ZHX2: variants seen among roughly 807,000 people sequenced by gnomAD.
ZHX2 encodes the protein zinc fingers and homeoboxes 2.
A neutral mutation model predicts 21.9 loss-of-function variants in ZHX2; 6 were observed. The ratio of observed to expected loss-of-function variants is 0.27; its 90% confidence interval spans 0.15 to 0.54. ZHX2 has a LOEUF of 0.54. Ranked by LOEUF, ZHX2 falls within the 20% of genes least tolerant of loss-of-function variation. ZHX2 has a pLI of 0.95. For missense variants in ZHX2, 908 were observed against 1,090.7 expected, an observed-to-expected ratio of 0.83 and a Z score of 2.36; for synonymous variants, 434 against 437.1, an observed-to-expected ratio of 0.99 and a Z score of 0.09.
At chr8:122,916,079 A>G (rs1256115464) in intron 2 of ZHX2, among the ~76,000 whole-genome samples, 4 of 152,218 alleles carry the variant, frequency 2.6e-5, no homozygotes, top group South Asian at 2.1e-4. Flanking sequence ...GTGGGTTTCA[A>G]CGGCCTGCCT....
At chr8:122,883,022 G>C (rs554605972) in intron 2 of ZHX2, among the ~76,000 whole-genome samples, 21 of 152,068 alleles carry the variant, frequency 1.4e-4, no homozygotes, top group Non-Finnish European at 2.5e-4. Context: ...ATCACTCCCA[G>C]AGATTGTAAC....
At chr8:122,799,955 C>T (rs569813582) in intron 1 of ZHX2, among the ~76,000 whole-genome samples, 1 of 152,176 alleles carries the variant, frequency 6.6e-6, no homozygotes, top group Non-Finnish European at 1.5e-5. Flanking sequence ...CCTCCACCTC[C>T]CAAACGATTC....
intron 1 of ZHX2, among the ~76,000 whole-genome samples, chr8:122,805,807 T>C (rs1315941487): frequency 3.3e-5 from 5 of 152,176 alleles, no homozygotes; most frequent in African/African-American, 9.7e-5. Context: ...AACTCTGTCA[T>C]TACTCCTCCC....
At chr8:122,790,712 A>G (rs1299248762) in intron 1 of ZHX2, among the ~76,000 whole-genome samples, 1 of 152,066 alleles carries the variant, frequency 6.6e-6, no homozygotes, top group Non-Finnish European at 1.5e-5. Context: ...GGTTCAAGCA[A>G]TTCTCCTGCC....
intron 3 of ZHX2, among the ~76,000 whole-genome samples, chr8:122,956,718 AG>A (rs1175204758): frequency 6.6e-6 from 1 of 152,222 alleles, no homozygotes; most frequent in Non-Finnish European, 1.5e-5. Flanking sequence ...ATAACAGACA[AG>A]CTATTCTGAA....
chr8:122,952,140 C>T lies in ZHX2; in HGVS notation c.630C>T (p.Asn210=), dbSNP rs111854627. 3.1e-6 allele frequency: 5 copies of T among 1,613,702 alleles called. No individual in the cohort carries two copies. The highest frequency in any genetic ancestry group is 1.1e-5 in the South Asian group (1 of 91,020). The change falls in exon 3 of 4, where the codon AAC becomes AAT. Residue 210 remains asparagine, a synonymous_variant. Transcript: ENST00000314393. The surrounding 1 kb of genome is among the most constrained non-coding windows in gnomAD (Gnocchi z 6.9). ...AGCCCGAGGAGATCACCCCCGAGAA[C>T]CACGTGGAAGGGACCGCCCGCCTGG... is the stretch of plus-strand genomic sequence containing the variant. ...PKKPEEITPE[N]HVEGTARLVT...
chr8:122,966,170 A>T (rs1813580734), intron 3 of ZHX2, among the ~76,000 whole-genome samples: 4 of 152,232 alleles, frequency 2.6e-5, no homozygotes, highest in Middle Eastern at 3.4e-3. Context: ...TTGAGATGTG[A>T]GGTACTGTTC....
chr8:122,914,818 G>A (rs1432333105), intron 2 of ZHX2, among the ~76,000 whole-genome samples: 1 of 152,126 alleles, frequency 6.6e-6, no homozygotes, highest in African/African-American at 2.4e-5. Context: ...CTGTAATTGA[G>A]TCGTTCCTAG....
chr8:122,954,845 C>CT (rs574301760), intron 3 of ZHX2, among the ~76,000 whole-genome samples: 1,606 of 145,986 alleles, frequency 0.011, 25 homozygotes, highest in African/African-American at 0.038. Context: ...GAGGTTGTTT[C>CT]TTTTTTTTTT....
chr8:122,867,408 C>T (rs1819325861), intron 2 of ZHX2, among the ~76,000 whole-genome samples: 1 of 152,192 alleles, frequency 6.6e-6, no homozygotes, highest in Non-Finnish European at 1.5e-5. Flanking sequence ...GCAGGTCTGA[C>T]CACATGGCTG....
At chr8:122,920,522 C>T (rs1354597925) in intron 2 of ZHX2, among the ~76,000 whole-genome samples, 3 of 152,130 alleles carry the variant, frequency 2.0e-5, no homozygotes, top group South Asian at 2.1e-4. Flanking sequence ...AAAAACTCAA[C>T]GCCCACCTTC....
At chr8:122,851,594 T>A (rs1412033209) in intron 1 of ZHX2, among the ~76,000 whole-genome samples, 1 of 152,216 alleles carries the variant, frequency 6.6e-6, no homozygotes, top group Non-Finnish European at 1.5e-5. Context: ...TTGTTTTGAT[T>A]CCTCCAGGAT....
intron 1 of ZHX2, among the ~76,000 whole-genome samples, chr8:122,799,871 C>CT (rs377302730): frequency 9.6e-4 from 146 of 151,628 alleles, no homozygotes; most frequent in African/African-American, 2.7e-3. Flanking sequence ...TTTTGCTTTT[C>CT]TTTTTTTTTG....
chr8:122,787,584 T>A (rs745762096), intron 1 of ZHX2, among the ~76,000 whole-genome samples: 10 of 152,242 alleles, frequency 6.6e-5, no homozygotes, highest in Non-Finnish European at 1.3e-4. Context: ...GGGGACCATT[T>A]CCTGTCAAGT....
intron 1 of ZHX2, among the ~76,000 whole-genome samples, chr8:122,832,772 C>T (rs1345174924): frequency 6.6e-6 from 1 of 151,980 alleles, no homozygotes; most frequent in Non-Finnish European, 1.5e-5. Context: ...TGTGAGCCCT[C>T]GGGTTTGCAG....
At chr8:122,820,009 CAG>C (rs1008005183) in intron 1 of ZHX2, among the ~76,000 whole-genome samples, 2 of 152,120 alleles carry the variant, frequency 1.3e-5, no homozygotes, top group African/African-American at 2.4e-5. Context: ...TCAGAGCTCT[CAG>C]GGGTTGGCGA....
chr8:122,820,060 T>C (rs747155792), intron 1 of ZHX2, among the ~76,000 whole-genome samples: 16 of 152,006 alleles, frequency 1.1e-4, no homozygotes, highest in South Asian at 2.1e-4. Flanking sequence ...ATGGAAACAA[T>C]TGAAAACCAC....
intron 1 of ZHX2, among the ~76,000 whole-genome samples, chr8:122,794,738 C>T (rs1419323457): frequency 1.3e-5 from 2 of 152,148 alleles, no homozygotes; most frequent in South Asian, 2.1e-4. Context: ...CTTCCACATA[C>T]CCCACACTTC....
At chr8:122,940,838 A>G (rs1053966124) in intron 2 of ZHX2, among the ~76,000 whole-genome samples, 14 of 152,138 alleles carry the variant, frequency 9.2e-5, no homozygotes, top group Middle Eastern at 3.4e-3. Context: ...TCTAGGTTCT[A>G]CCCTCTTCAG....
Sources: allele counts gnomAD v4.1 joint callset (sites outside exome capture counted in the v4.1 genomes callset), GRCh38; gene constraint gnomAD v4.1.1; non-coding constraint Gnocchi (gnomAD v3.1); transcripts MANE v1.5; gene names NCBI Gene and HGNC (gene_info 2026-07-23, HGNC 2026-07-21).